DNAH2: variants seen among roughly 807,000 people sequenced by gnomAD.
The protein encoded by DNAH2 is dynein axonemal heavy chain 2.
A neutral mutation model predicts 523.5 loss-of-function variants in DNAH2; 323 were observed. That is an observed-to-expected ratio of 0.62 (90% confidence interval 0.56 to 0.68). The LOEUF (loss-of-function observed/expected upper bound fraction) is 0.68, where lower values mean the gene tolerates loss of function less well. DNAH2 is among the 30% of genes least tolerant of loss of function. The pLI is 0.00. For missense variants in DNAH2, 4,907 were observed against 5,701.5 expected (o/e 0.86, Z 4.49); for synonymous variants, 2,093 against 2,177.4 (o/e 0.96, Z 1.08).
intron 48 of DNAH2, 96 bp downstream of exon 48, chr17:7,793,301 CT>C: frequency 7.9e-7 from 1 of 1,273,880 alleles, no homozygotes; most frequent in South Asian, 1.5e-5. Context: ...GTCCTGTCAT[CT>C]TGGATTCCTT....
intron 3 of DNAH2, among the ~76,000 whole-genome samples, 172 bp downstream of exon 3, chr17:7,723,861 A>T (rs2074710708): frequency 6.6e-6 from 1 of 152,172 alleles, no homozygotes; most frequent in Admixed American, 6.5e-5. Context: ...AGACAAAGTC[A>T]TCTGTGCCTT....
At position 7,780,276 on chromosome 17, in the gene DNAH2, A is replaced by G; in HGVS notation, c.5842A>G (p.Asn1948Asp). ...CATTCTCTTTGGAGAGGGCTTTGGC[A>G]ACTGCAAGGTACTCCAATAACCCCT... ...EIILFGEGFGNCKILAKKVYT... is the reference protein window; with the variant it reads ...EIILFGEGFGDCKILAKKVYT... The change falls in exon 37 of 86, where the codon AAC (asparagine) becomes GAC (aspartate). Residue 1948 changes from asparagine (N) to aspartate (D), a missense_variant. By Grantham distance (23) the Asn-to-Asp change is conservative (BLOSUM62 1). Coordinates refer to ENST00000572933, the MANE Select transcript of DNAH2 (RefSeq NM_020877.5). This position sits in a 1 kb window ranked among gnomAD's most constrained non-coding sequence, Gnocchi z 4.4. The G allele has an allele frequency of 1.2e-6, 2 of 1,614,140 alleles. No homozygotes were observed. Among genetic ancestry groups the G allele is most frequent in the Non-Finnish European group, 1.7e-6 (2 of 1,180,016 alleles).
rs201154938 is a variant in DNAH2 at position 7,819,366 on chromosome 17, G to A, written c.10973G>A (p.Arg3658His). 1.2e-5 allele frequency: 19 copies of A among 1,614,234 alleles called. No individual in the cohort carries two copies. The East Asian group carries it at 1.6e-4, about 13-fold the overall frequency. ...CACCGCAGCAATAAGCTGGAGGACC[G>A]CATTGACTACCTGAATGACTACCAC... is the stretch of plus-strand genomic sequence containing the variant. ...KSHRSNKLED[R>H]IDYLNDYHTY... The change falls in exon 72 of 86, where the codon CGC becomes CAC. Residue 3658 changes from arginine (R) to histidine (H), a missense_variant. Transcript: ENST00000572933.
In DNAH2 at chr17:7,831,166, G is replaced by T; in HGVS notation, c.12311G>T (p.Gly4104Val). Reference protein sequence around the residue: ...SYKEYISLLPGMDPPEAFGQH... With the variant: ...SYKEYISLLPVMDPPEAFGQH... Reference sequence around the variant, plus strand: ...AAGGAATACATCAGCTTATTGCCTGGCATGGACCCCCCTGAGGCCTTTGGC... The same window carrying T: ...AAGGAATACATCAGCTTATTGCCTGTCATGGACCCCCCTGAGGCCTTTGGC... Residue 4104 changes from glycine (G) to valine (V), a missense_variant, in exon 80 of 86, where the codon GGC becomes GTC. Physicochemically the swap from Gly to Val is moderately radical, Grantham distance 109. Coordinates refer to ENST00000572933, the MANE Select transcript of DNAH2 (RefSeq NM_020877.5). This position sits in a 1 kb window ranked among gnomAD's most constrained non-coding sequence, Gnocchi z 4.2. 1 of 1,614,096 alleles carries T rather than the reference G, an allele frequency of 6.2e-7. No homozygotes were observed. The highest frequency in any genetic ancestry group is 8.5e-7 in the Non-Finnish European group (1 of 1,180,018).
chr17:7,740,069 G>GA (rs1160189470), intron 9 of DNAH2, 131 bp downstream of exon 9: 22 of 767,164 alleles, frequency 2.9e-5, no homozygotes, highest in African/African-American at 2.6e-4. Context: ...GGTGGCCCGG[G>GA]GGGGGGGACA....
intron 21 of DNAH2, 73 bp from the exon 22 acceptor site, chr17:7,766,245 A>C: frequency 7.9e-6 from 12 of 1,516,976 alleles, no homozygotes; most frequent in Non-Finnish European, 9.9e-6. Flanking sequence ...TTGCCCACAA[A>C]GAGATAGGAG....
In DNAH2 at chr17:7,780,336, T is replaced by C; in HGVS notation, c.5850+52T>C. ...TGATTTTAATTTCCTTTCATAATTA[T>C]TCCCTGGACAGAGGAGCTCCCCAAG... On this transcript the variant is annotated intron_variant, in intron 37 of 85. Transcript: ENST00000572933. The surrounding 1 kb of genome is among the most constrained non-coding windows in gnomAD (Gnocchi z 4.4). 1 of 1,612,418 alleles carries C rather than the reference T, an allele frequency of 6.2e-7. No homozygotes were observed. The highest frequency in any genetic ancestry group is 8.5e-7 in the Non-Finnish European group (1 of 1,179,306).
chr17:7,746,665 T>C (rs1280634197), intron 12 of DNAH2, among the ~76,000 whole-genome samples: 2 of 152,112 alleles, frequency 1.3e-5, no homozygotes, highest in African/African-American at 4.8e-5. Flanking sequence ...TGCTCACTGT[T>C]AAGAAAAACA....
chr17:7,722,059 C>T (rs892149736), intron 2 of DNAH2, among the ~76,000 whole-genome samples: 2 of 152,082 alleles, frequency 1.3e-5, no homozygotes, highest in Non-Finnish European at 2.9e-5. Flanking sequence ...AGTGCAATGG[C>T]GTGATCTCGG....
rs570467959 is a variant in DNAH2 at position 7,750,590 on chromosome 17, A to G, written c.1905-6501A>G. ...TTGTTGTACATTTGGCTGGGTTTGG[A>G]ATTCTAGCCGATTTATAGTAATTGT... On this transcript the variant is annotated intron_variant, in intron 12 of 85. Transcript: ENST00000572933. 2.8e-4 allele frequency among the ~76,000 whole-genome samples: 43 copies of G among 152,150 alleles called. 2 individuals carry two copies. The highest frequency in any genetic ancestry group is 2.5e-3 in the Admixed American group (38 of 15,262).
At position 7,805,400 on chromosome 17, in the gene DNAH2, T is replaced by C; in HGVS notation, c.9442+7T>C. On this transcript the variant is annotated splice_region_variant and intron_variant, in intron 61 of 85. Coordinates refer to ENST00000572933, the MANE Select transcript of DNAH2 (RefSeq NM_020877.5). ...GAGGCCAAGAGGCAGCTAGGTAAGC[T>C]AGAGACAATGAAATCAATGACTTCC... 2 of 1,614,106 alleles carry C rather than the reference T, an allele frequency of 1.2e-6. No individual in the cohort carries two copies. Among genetic ancestry groups the C allele is most frequent in the South Asian group, 1.1e-5 (1 of 91,082 alleles).
chr17:7,804,191 C>A, intron 58 of DNAH2, 65 bp from the exon 59 acceptor site: 1 of 1,551,616 alleles, frequency 6.4e-7, no homozygotes. Context: ...GAAGGTGGAC[C>A]TTACAGGACA....
chr17:7,758,921 C>A lies in DNAH2; in HGVS notation c.2245C>A (p.Leu749Met). 6.2e-7 allele frequency: 1 copy of A among 1,614,188 alleles called. No individual in the cohort carries two copies. The highest frequency in any genetic ancestry group is 1.3e-5 in the African/African-American group (1 of 75,052). The stretch of plus-strand genomic sequence containing the variant: ...TGTGAATGAGTTCAAGGCATCCACT[C>A]TGACCATTGGCTGGCGAGCCCAAGA... ...MIVNEFKASTLTIGWRAQEMS... is the reference protein window; with the variant it reads ...MIVNEFKASTMTIGWRAQEMS... Residue 749 changes from leucine (L) to methionine (M), a missense_variant, in exon 15 of 86, where the codon CTG (leucine) becomes ATG (methionine). Leu to Met is a conservative substitution (Grantham distance 15). Transcript: ENST00000572933.
intron 77 of DNAH2, 42 bp from the exon 78 acceptor site, chr17:7,830,258 T>C: frequency 6.4e-7 from 1 of 1,569,548 alleles, no homozygotes; most frequent in Non-Finnish European, 8.6e-7. Flanking sequence ...CAGGTCTGAG[T>C]GTGATGCATG....
At chr17:7,777,933 C>T (rs1164815745) in intron 33 of DNAH2, 144 bp from the exon 34 acceptor site, 4 of 793,416 alleles carry the variant, frequency 5.0e-6, no homozygotes, top group African/African-American at 1.7e-5. Flanking sequence ...CCATAAACCG[C>T]TCCCCTTTTC....
At chr17:7,721,777 G>A (rs1403016258) in intron 2 of DNAH2, among the ~76,000 whole-genome samples, 2 of 152,192 alleles carry the variant, frequency 1.3e-5, no homozygotes, top group Non-Finnish European at 2.9e-5. Context: ...AGATCAGGAG[G>A]CAGAGAAACA....
intron 39 of DNAH2, 145 bp downstream of exon 39, chr17:7,781,312 A>G (rs2076600086): frequency 2.2e-6 from 2 of 911,140 alleles, no homozygotes; most frequent in East Asian, 5.2e-5. Flanking sequence ...CTGTATCTAC[A>G]AAAAGTACAA....
intron 12 of DNAH2, among the ~76,000 whole-genome samples, chr17:7,749,027 GGC>G (rs1447176875): frequency 1.3e-5 from 2 of 151,544 alleles, no homozygotes; most frequent in South Asian, 2.1e-4. Context: ...ATCTTGCCTT[GGC>G]CGGATGCGGT....
At chr17:7,793,470 TC>T (rs1204750168) in intron 48 of DNAH2, among the ~76,000 whole-genome samples, 11 of 130,642 alleles carry the variant, frequency 8.4e-5, no homozygotes, top group Non-Finnish European at 8.8e-5. Flanking sequence ...TTTCTTTCTT[TC>T]TTTCTTTCTT....
Sources: allele counts gnomAD v4.1 joint callset (sites outside exome capture counted in the v4.1 genomes callset), GRCh38; gene constraint gnomAD v4.1.1; non-coding constraint Gnocchi (gnomAD v3.1); transcripts MANE v1.5; gene names NCBI Gene and HGNC (gene_info 2026-07-23, HGNC 2026-07-21).